Variants in PARD3B observed in about 807,000 individuals in gnomAD.
PARD3B encodes partitioning defective 3 homolog B.
Under a neutral mutation model 130.2 loss-of-function variants are expected in PARD3B, and 103 were observed. The observed-to-expected ratio is 0.79, with a 90% CI of 0.67 to 0.93. The LOEUF (loss-of-function observed/expected upper bound fraction) is 0.93, where lower values mean the gene tolerates loss of function less well. PARD3B is among the 40% of genes least tolerant of loss of function. PARD3B has a pLI of 0.00. For missense variants in PARD3B, 1,609 were observed against 1,499.2 expected, an observed-to-expected ratio of 1.07 and a Z score of -1.21; for synonymous variants, 583 against 553.2, an observed-to-expected ratio of 1.05 and a Z score of -0.76.
rs1491224245 is a variant in PARD3B, at chr2:205,381,173, A to ATT, written c.2631-19840_2631-19839insTT. Among the ~76,000 whole-genome samples, 153 of 120,992 alleles carry ATT rather than the reference A, an allele frequency of 1.3e-3. 1 individual carries two copies. Among genetic ancestry groups the ATT allele is most frequent in the South Asian group, 4.7e-3 (20 of 4,252 alleles). 79.4% of individuals were successfully genotyped at this position (120,992 alleles called of 152,430 possible). On this transcript the variant is annotated intron_variant, in intron 18 of 22. Transcript: ENST00000406610. Reference sequence around the variant, plus strand: ...TATATAATATATATAAAGAATATATAATATATATAAAGAATATATATTATA... The same window carrying ATT: ...TATATAATATATATAAAGAATATATATTATATATATAAAGAATATATATTATA...
In PARD3B at chr2:205,476,628, T is replaced by TTTTG. The variant is rs149480140; in HGVS notation, c.3045-23248_3045-23245dup. 3.3e-3 allele frequency among the ~76,000 whole-genome samples: 499 copies of TTTTG among 152,176 alleles called. 1 individual carries two copies. The highest frequency in any genetic ancestry group is 0.01 in the African/African-American group (431 of 41,476). The stretch of plus-strand genomic sequence containing the variant: ...TGTTTTCTGGGTTTTTTGTTTGTTT[T>TTTTG]TTTGTTTGTTTGTTTGTTTGTTTTA... On this transcript the variant is annotated intron_variant, in intron 20 of 22. Transcript: ENST00000406610.
intron 2 of PARD3B, among the ~76,000 whole-genome samples, chr2:204,755,616 G>A (rs1403417820): frequency 6.6e-6 from 1 of 152,086 alleles, no homozygotes; most frequent in African/African-American, 2.4e-5. Flanking sequence ...TTTTCTCCCA[G>A]TAAAGCACAA....
chr2:205,181,512 T>C (rs1267238427), intron 13 of PARD3B, among the ~76,000 whole-genome samples: 1 of 152,226 alleles, frequency 6.6e-6, no homozygotes, highest in East Asian at 1.9e-4. Flanking sequence ...TGTAGGTCTC[T>C]GTCATCACTC....
At chr2:205,560,071 C>T (rs2053073014) in intron 22 of PARD3B, among the ~76,000 whole-genome samples, 1 of 152,210 alleles carries the variant, frequency 6.6e-6, no homozygotes, top group South Asian at 2.1e-4. Flanking sequence ...GTTAAATAAA[C>T]TTGCCCAAGT....
rs2035955023 is a variant in PARD3B, at chr2:204,664,808, A to G, written c.121-21373A>G. ...TTCTTCTGAGCTCATTAGTGAATGC[A>G]TACAGGATGAGGTAGCCTGAAACAG... On this transcript the variant is annotated intron_variant, in intron 1 of 22. Transcript: ENST00000406610. This position sits in a 1 kb window ranked among gnomAD's most constrained non-coding sequence, Gnocchi z 5.2. Among the ~76,000 whole-genome samples the G allele has an allele frequency of 6.6e-6, 1 of 152,226 alleles. No individual in the cohort carries two copies. The highest frequency in any genetic ancestry group is 1.5e-5 in the Non-Finnish European group (1 of 68,042).
At chr2:205,587,302 C>T (rs2054232169) in intron 22 of PARD3B, among the ~76,000 whole-genome samples, 2 of 150,230 alleles carry the variant, frequency 1.3e-5, no homozygotes, top group South Asian at 4.2e-4. Context: ...TTCGGTTTTG[C>T]TTCTTAGCAT....
chr2:204,989,454 AG>A (rs1379387643), intron 3 of PARD3B, among the ~76,000 whole-genome samples: 3 of 152,146 alleles, frequency 2.0e-5, no homozygotes, highest in Non-Finnish European at 2.9e-5. Flanking sequence ...ATTGAATTTG[AG>A]AGTTTTCTAA....
chr2:205,193,906 G>C (rs1404083513), intron 15 of PARD3B, among the ~76,000 whole-genome samples: 8 of 152,154 alleles, frequency 5.3e-5, no homozygotes, highest in Non-Finnish European at 1.5e-5. Context: ...GTCCATGCCT[G>C]AACAACCTCA....
At position 205,199,285 on chromosome 2, in the gene PARD3B, A is replaced by G; in HGVS notation, c.2140+5965A>G. On this transcript the variant is annotated intron_variant, in intron 15 of 22. Transcript: ENST00000406610. Reference sequence around the variant, plus strand: ...CTCAAGAGTTAAGGAAAAACTACCAAAAGGAAATTCTGACATTATGATAAC... The same window carrying G: ...CTCAAGAGTTAAGGAAAAACTACCAGAAGGAAATTCTGACATTATGATAAC... 1.3e-5 allele frequency among the ~76,000 whole-genome samples: 2 copies of G among 152,156 alleles called. 1 individual carries two copies. The highest frequency in any genetic ancestry group is 2.9e-5 in the Non-Finnish European group (2 of 68,012).
chr2:204,792,740 T>C (rs1325651679), intron 2 of PARD3B, among the ~76,000 whole-genome samples: 2 of 152,172 alleles, frequency 1.3e-5, no homozygotes, highest in Non-Finnish European at 2.9e-5. Flanking sequence ...CTTTCTTAAG[T>C]AGTCAATTAG....
chr2:205,049,957 C>T (rs1299637340), intron 4 of PARD3B, among the ~76,000 whole-genome samples: 1 of 152,054 alleles, frequency 6.6e-6, no homozygotes, highest in Non-Finnish European at 1.5e-5. Flanking sequence ...AGTGGCACAT[C>T]TTAGGTGTCT....
chr2:205,298,787 G>C (rs60864999), intron 16 of PARD3B, among the ~76,000 whole-genome samples: 32 of 152,286 alleles, frequency 2.1e-4, no homozygotes, highest in Middle Eastern at 3.4e-3. Context: ...GGCAGTTTAA[G>C]TTGTTTGACC....
At chr2:205,523,693 A>G (rs2051197553) in intron 21 of PARD3B, among the ~76,000 whole-genome samples, 1 of 151,998 alleles carries the variant, frequency 6.6e-6, no homozygotes, top group African/African-American at 2.4e-5. Context: ...TATTTTTAAA[A>G]TATTTTTAAT....
chr2:205,165,395 T>C (rs1053214741), intron 11 of PARD3B, among the ~76,000 whole-genome samples: 4 of 152,002 alleles, frequency 2.6e-5, no homozygotes, highest in African/African-American at 9.7e-5. Context: ...AGTTGCAGTA[T>C]ATCTGTTTAT....
chr2:205,549,913 A>G (rs932045331), intron 21 of PARD3B, among the ~76,000 whole-genome samples: 1 of 152,152 alleles, frequency 6.6e-6, no homozygotes, highest in Non-Finnish European at 1.5e-5. Context: ...ATGCCGCCTA[A>G]ATTTTTTTGT....
intron 21 of PARD3B, among the ~76,000 whole-genome samples, chr2:205,503,094 A>G (rs535541128): frequency 1.1e-4 from 16 of 143,882 alleles, no homozygotes; most frequent in East Asian, 1.0e-3. Context: ...CTCTCCCCTG[A>G]CTCCTATTAC....
chr2:205,302,806 A>G (rs1323143799), intron 18 of PARD3B, among the ~76,000 whole-genome samples: 1 of 152,154 alleles, frequency 6.6e-6, no homozygotes, highest in African/African-American at 2.4e-5. Context: ...CTCCCCACAC[A>G]TGAGCAATGG....
intron 18 of PARD3B, among the ~76,000 whole-genome samples, chr2:205,350,408 C>T (rs2105842636): frequency 6.6e-6 from 1 of 152,274 alleles, no homozygotes; most frequent in African/African-American, 2.4e-5. Context: ...CTCTGCTTTG[C>T]CGCATCTCAT....
chr2:205,552,245 A>C (rs778774884), intron 21 of PARD3B, among the ~76,000 whole-genome samples: 2 of 152,104 alleles, frequency 1.3e-5, no homozygotes, highest in Non-Finnish European at 2.9e-5. Flanking sequence ...CCAACACTAG[A>C]TAGAAAACAG....
Sources: allele counts gnomAD v4.1 joint callset (sites outside exome capture counted in the v4.1 genomes callset), GRCh38; gene constraint gnomAD v4.1.1; non-coding constraint Gnocchi (gnomAD v3.1); transcripts MANE v1.5; gene names NCBI Gene and HGNC (gene_info 2026-07-23, HGNC 2026-07-21).